Variants in SOX5 observed in about 807,000 individuals in gnomAD.
SOX5 encodes transcription factor SOX-5.
A neutral mutation model predicts 92.0 loss-of-function variants in SOX5; 9 were observed. That is an observed-to-expected ratio of 0.10 (90% confidence interval 0.06 to 0.17). The LOEUF is 0.17. Among genes scored for constraint, SOX5 ranks in the 10% least tolerant of loss-of-function variants. The pLI is 1.00. For missense variants in SOX5, 642 were observed against 944.5 expected (o/e 0.68, Z 4.20); for synonymous variants, 344 against 336.3 (o/e 1.02, Z -0.25).
At chr12:24,455,887 G>T (rs1823060662) in intron 1 of SOX5, among the ~76,000 whole-genome samples, 1 of 152,142 alleles carries the variant, frequency 6.6e-6, no homozygotes, top group African/African-American at 2.4e-5. Flanking sequence ...GCGTCTAGGA[G>T]TAGAGAGGCC....
rs574955917 is a variant in SOX5, at chr12:24,546,830, G to T, written c.-251+15499C>A. Among the ~76,000 whole-genome samples the T allele has an allele frequency of 3.9e-5, 6 of 152,294 alleles. No individual in the cohort carries two copies. The South Asian group carries it at 1.2e-3, about 32-fold the overall frequency. On this transcript the variant is annotated intron_variant, in intron 1 of 4. Coordinates refer to the SOX5 transcript ENST00000446891. ...TGCAGTAGGGTTGACTTCCCCCAGGGCCCGCCCTGGATATGCCACATACCC... is the reference window on the plus strand; with the variant it reads ...TGCAGTAGGGTTGACTTCCCCCAGGTCCCGCCCTGGATATGCCACATACCC...
At chr12:23,993,912 T>TGC (rs1569436624) in intron 4 of SOX5, among the ~76,000 whole-genome samples, 33 of 148,452 alleles carry the variant, frequency 2.2e-4, no homozygotes, top group African/African-American at 7.2e-4. Context: ...TGTATGTATG[T>TGC]ATGCATGTAT....
chr12:23,984,923 G>C (rs1949917938), intron 4 of SOX5, among the ~76,000 whole-genome samples: 1 of 152,116 alleles, frequency 6.6e-6, no homozygotes, highest in Non-Finnish European at 1.5e-5. Context: ...TTATGCCAGA[G>C]GTTACAATTT....
intron 4 of SOX5, among the ~76,000 whole-genome samples, chr12:23,970,395 A>C (rs1012582458): frequency 6.6e-6 from 1 of 152,118 alleles, no homozygotes; most frequent in African/African-American, 2.4e-5. Context: ...TCTGTTCTCG[A>C]AACTTTTTCA....
In SOX5 at chr12:24,488,274, T is replaced by A. The variant is rs141508361; in HGVS notation, c.-251+74055A>T. On this transcript the variant is annotated intron_variant, in intron 1 of 4. Coordinates refer to the SOX5 transcript ENST00000446891. ...TTGCCAGGTTCCCAGATACAATGCA[T>A]GTCTGATCAACATGTTGCAAAAAGA... Among the ~76,000 whole-genome samples, 106 of 152,322 alleles carry A rather than the reference T, an allele frequency of 7.0e-4. 1 individual carries two copies. In the East Asian group the frequency reaches 0.012, roughly 17 times the overall value.
At position 23,533,769 on chromosome 12, in the gene SOX5, C is replaced by CA. The variant is rs1476774718; in HGVS notation, c.*449dup. 1 of 152,530 alleles carries CA rather than the reference C, an allele frequency of 6.6e-6. No individual in the cohort carries two copies. Among genetic ancestry groups the CA allele is most frequent in the Non-Finnish European group, 1.5e-5 (1 of 68,272 alleles). The allele number at this position is 152,530 out of a possible 1,614,324, so 9.4% of individuals were successfully genotyped here. On this transcript the variant is annotated 3_prime_UTR_variant, in exon 15 of 15. Coordinates refer to ENST00000451604, the MANE Select transcript of SOX5 (RefSeq NM_006940.6). Reference sequence around the variant, plus strand: ...AGAAAAGGAAAAAACCCAGAAACCCCAAAAAACAAAACAAAACTTTTTTCT... The same window carrying CA: ...AGAAAAGGAAAAAACCCAGAAACCCCAAAAAAACAAAACAAAACTTTTTTCT...
intron 9 of SOX5, chr12:23,584,704 C>A: frequency 2.5e-6 from 2 of 793,652 alleles, no homozygotes; most frequent in Admixed American, 2.0e-5. Flanking sequence ...GTCTAAGGCA[C>A]AGAACCTTGG....
At chr12:23,570,821 G>A (rs990991446) in intron 10 of SOX5, among the ~76,000 whole-genome samples, 1 of 148,312 alleles carries the variant, frequency 6.7e-6, no homozygotes, top group South Asian at 2.1e-4. Flanking sequence ...TGAGACAGGG[G>A]AATGGCGTGA....
At chr12:23,953,762 G>A (rs564869023), upstream of SOX5, among the ~76,000 whole-genome samples, 162 of 152,124 alleles carry the variant, frequency 1.1e-3, no homozygotes, top group African/African-American at 3.7e-3. Context: ...TACAAGCACA[G>A]ATACACAAAT....
chr12:23,686,296 G>C (rs1486147061), intron 6 of SOX5, among the ~76,000 whole-genome samples: 2 of 152,132 alleles, frequency 1.3e-5, no homozygotes. Context: ...ATTTGGCTGA[G>C]GGCCAATTTT....
In SOX5 at chr12:24,215,527, C is replaced by T. The variant is rs191293940; in HGVS notation, c.-76-2110G>A. ...ATAGCATGGAAAGAATAAAATACTT[C>T]GGAATAAATTTAACATTAGAAGTCT... On this transcript the variant is annotated intron_variant, in intron 3 of 4. Coordinates refer to the SOX5 transcript ENST00000446891. Among the ~76,000 whole-genome samples the T allele has an allele frequency of 5.6e-3, 856 of 151,864 alleles. 4 individuals carry two copies. The highest frequency in any genetic ancestry group is 8.7e-3 in the Non-Finnish European group (588 of 67,922).
At chr12:23,746,606 T>C (rs957582882) in intron 4 of SOX5, among the ~76,000 whole-genome samples, 3 of 152,186 alleles carry the variant, frequency 2.0e-5, no homozygotes, top group South Asian at 2.1e-4. Flanking sequence ...TTCAGTCTTC[T>C]TCCTGCCTAA....
chr12:24,085,176 C>A (rs779436834), intron 4 of SOX5, among the ~76,000 whole-genome samples: 7 of 152,154 alleles, frequency 4.6e-5, no homozygotes, highest in African/African-American at 7.2e-5. Context: ...CCTTGCCCAG[C>A]AAGCAAGAGC....
rs142753409 is a variant in SOX5 at position 24,529,334 on chromosome 12, G to A, written c.-251+32995C>T. Among the ~76,000 whole-genome samples, 452 of 152,256 alleles carry A rather than the reference G, an allele frequency of 3.0e-3. 5 individuals are homozygous for A. The highest frequency in any genetic ancestry group is 9.5e-3 in the African/African-American group (394 of 41,552). ...ATTTAATTCACTGTTTTTCAGAGAAGTGAGTCTAAAATAAATTTGTCTGTA... is the reference window on the plus strand; with the variant it reads ...ATTTAATTCACTGTTTTTCAGAGAAATGAGTCTAAAATAAATTTGTCTGTA... On this transcript the variant is annotated intron_variant, in intron 1 of 4. Coordinates refer to the SOX5 transcript ENST00000446891.
chr12:24,344,263 C>T (rs1422796065), intron 2 of SOX5, among the ~76,000 whole-genome samples: 2 of 124,576 alleles, frequency 1.6e-5, no homozygotes, highest in African/African-American at 6.3e-5. Context: ...ATCCTGGCGA[C>T]AGAGCAAGAC....
intron 6 of SOX5, among the ~76,000 whole-genome samples, chr12:23,694,814 A>C (rs1301186448): frequency 1.3e-5 from 2 of 152,182 alleles, no homozygotes; most frequent in Non-Finnish European, 2.9e-5. Flanking sequence ...TTCACTTTGT[A>C]TAATGCTTTT....
intron 6 of SOX5, among the ~76,000 whole-genome samples, chr12:23,708,885 G>A (rs1196535347): frequency 2.0e-5 from 3 of 152,034 alleles, no homozygotes; most frequent in African/African-American, 7.2e-5. Context: ...CATAGAATAC[G>A]TGGCTGGTAT....
chr12:23,625,686 T>C (rs1401173138), intron 8 of SOX5, among the ~76,000 whole-genome samples: 2 of 152,208 alleles, frequency 1.3e-5, no homozygotes. Context: ...CTTGGCTCAC[T>C]GCAACCTCTG....
chr12:24,047,386 A>G (rs1957148192), intron 4 of SOX5, among the ~76,000 whole-genome samples: 1 of 152,218 alleles, frequency 6.6e-6, no homozygotes, highest in Non-Finnish European at 1.5e-5. Flanking sequence ...ACAATTTTGC[A>G]CACAGAAAAT....
Sources: gnomAD v4.1 joint callset for allele counts (sites outside exome capture counted in the v4.1 genomes callset) on GRCh38, gnomAD v4.1.1 for gene constraint, MANE v1.5 for transcripts, NCBI Gene and HGNC (gene_info 2026-07-23, HGNC 2026-07-21) for gene names.